The following ADCYAP1R1 variants were observed in gnomAD, a reference collection of about 807,000 sequenced individuals.
ADCYAP1R1 encodes the protein pituitary adenylate cyclase-activating polypeptide type I receptor.
Under a neutral mutation model 67.6 loss-of-function variants are expected in ADCYAP1R1, and 44 were observed. The ratio of observed to expected loss-of-function variants is 0.65; its 90% CI spans 0.51 to 0.84. ADCYAP1R1 has a LOEUF of 0.84. Ranked by LOEUF, ADCYAP1R1 falls within the 40% of genes least tolerant of loss-of-function variation. The probability of loss-of-function intolerance (pLI) is 0.00; values close to 1 mark genes in which losing one functional copy is unlikely to be tolerated. For synonymous variants in ADCYAP1R1, 222 were observed against 219.6 expected (o/e 1.01, Z -0.10); for missense variants, 477 against 587.9 (o/e 0.81, Z 1.95).
intron 1 of ADCYAP1R1, among the ~76,000 whole-genome samples, chr7:31,061,774 G>A (rs541303715): frequency 2.3e-4 from 35 of 152,286 alleles, no homozygotes; most frequent in Admixed American, 7.2e-4. Context: ...GGGAGGGGAC[G>A]TGGTTAAGCA....
At chr7:31,053,686 C>T (rs1011334626) in intron 1 of ADCYAP1R1, among the ~76,000 whole-genome samples, 2 of 152,218 alleles carry the variant, frequency 1.3e-5, no homozygotes, top group African/African-American at 2.4e-5. Context: ...GCAGGTGCGT[C>T]AGACTCCCTT....
chr7:31,098,792 C>T (rs1248871644), intron 13 of ADCYAP1R1, among the ~76,000 whole-genome samples: 1 of 150,694 alleles, frequency 6.6e-6, no homozygotes, highest in Non-Finnish European at 1.5e-5. Flanking sequence ...CACCACCTGT[C>T]AGGTACCTTC....
Position 31,086,240 on chromosome 7 carries a change from A to T in ADCYAP1R1, c.670-144A>T. ...AGAATCATGGGATGCTGCAATTTTC[A>T]ACTCTTTGATCCAGGAATATTGACT... On this transcript the variant is annotated intron_variant, in intron 9 of 15. Coordinates refer to ENST00000304166, the MANE Select transcript of ADCYAP1R1 (RefSeq NM_001118.5). This position sits in a 1 kb window ranked among gnomAD's most constrained non-coding sequence, Gnocchi z 5.0. The T allele has an allele frequency of 1.1e-6, 1 of 908,124 alleles. No individual in the cohort carries two copies. Among genetic ancestry groups the T allele is most frequent in the Non-Finnish European group, 1.6e-6 (1 of 616,942 alleles). 56.3% of individuals were successfully genotyped at this position (908,124 alleles called of 1,614,324 possible). A position where few individuals can be genotyped will look rare whatever the true frequency, so the allele number is the denominator to read the frequency against.
At chr7:31,058,451 A>G (rs910498550) in intron 1 of ADCYAP1R1, among the ~76,000 whole-genome samples, 9 of 151,956 alleles carry the variant, frequency 5.9e-5, no homozygotes, top group African/African-American at 1.9e-4. Flanking sequence ...AGGAAAGGGG[A>G]ATGGTGTGCT....
Position 31,064,860 on chromosome 7 carries a change from C to T in ADCYAP1R1, c.81C>T (p.Phe27=). The T allele has an allele frequency of 1.2e-6, 2 of 1,612,896 alleles. No individual in the cohort carries two copies. The highest frequency in any genetic ancestry group is 1.3e-5 in the African/African-American group (1 of 75,022). The change falls in exon 3 of 16, where the codon TTC becomes TTT. Residue 27 remains phenylalanine (F), a synonymous_variant. Transcript: ENST00000304166. The part of the protein sequence containing the change: ...MAPAMHSDCI[F]KKEQAMCLEK... ...CTGCCATGCATTCTGACTGCATCTT[C>T]AAGAAGGAGCAAGCCATGTGCCTGG...
Position 31,109,028 on chromosome 7 carries a change from T to C in ADCYAP1R1, c.*2344T>C, listed in dbSNP as rs956935645. Reference sequence around the variant, plus strand: ...CCTGGGGATGGACCCCATTCATTCATCATGACTCCCAACAGTTTTCATTGT... The same window carrying C: ...CCTGGGGATGGACCCCATTCATTCACCATGACTCCCAACAGTTTTCATTGT... On this transcript the variant is annotated 3_prime_UTR_variant, in exon 16 of 16. Coordinates refer to ENST00000304166, the MANE Select transcript of ADCYAP1R1 (RefSeq NM_001118.5). 10 of 152,196 alleles carry C rather than the reference T, an allele frequency of 6.6e-5. No homozygotes were observed. The highest frequency in any genetic ancestry group is 4.4e-5 in the Non-Finnish European group (3 of 68,048). 9.4% of individuals were successfully genotyped at this position (152,196 alleles called of 1,614,324 possible).
chr7:31,104,955 T>G (rs1796580549), intron 15 of ADCYAP1R1, 46 bp downstream of exon 15: 1 of 1,602,950 alleles, frequency 6.2e-7, no homozygotes, highest in Admixed American at 1.7e-5. Flanking sequence ...AGTGGGGCTT[T>G]CTGGGGAGCA....
chr7:31,070,844 C>T (rs1049484354), intron 3 of ADCYAP1R1, among the ~76,000 whole-genome samples: 46 of 152,214 alleles, frequency 3.0e-4, no homozygotes, highest in African/African-American at 1.1e-3. Context: ...TCTGCATTTC[C>T]AGCAAGTTCC....
chr7:31,099,463 A>T, intron 13 of ADCYAP1R1, among the ~76,000 whole-genome samples: 1 of 152,234 alleles, frequency 6.6e-6, no homozygotes, highest in East Asian at 1.9e-4. Context: ...ACATATGGGT[A>T]GTGGCTATCA....
rs1355017693 is a variant in ADCYAP1R1 at position 31,086,653 on chromosome 7, G to C, written c.823+116G>C. 5 of 1,239,598 alleles carry C rather than the reference G, an allele frequency of 4.0e-6. No individual in the cohort carries two copies. The highest frequency in any genetic ancestry group is 5.7e-6 in the Non-Finnish European group (5 of 879,768). The allele number at this position is 1,239,598 out of a possible 1,614,324, so 76.8% of individuals were successfully genotyped here. ...GTGAGGAGGGGCCACTGCCCTGCCC[G>C]AGTCTAATGGCCTAGGCTCTGTCTT... On this transcript the variant is annotated intron_variant, in intron 10 of 15. Coordinates refer to ENST00000304166, the MANE Select transcript of ADCYAP1R1 (RefSeq NM_001118.5). The surrounding 1 kb of genome is among the most constrained non-coding windows in gnomAD (Gnocchi z 5.0).
intron 3 of ADCYAP1R1, among the ~76,000 whole-genome samples, chr7:31,072,797 G>A (rs1001923736): frequency 6.6e-6 from 1 of 152,214 alleles, no homozygotes; most frequent in African/African-American, 2.4e-5. Context: ...GGGAATTAAG[G>A]ATCTTGAACT....
At chr7:31,101,664 C>A (rs1369917988) in intron 13 of ADCYAP1R1, among the ~76,000 whole-genome samples, 4 of 152,184 alleles carry the variant, frequency 2.6e-5, no homozygotes, top group Non-Finnish European at 4.4e-5. Flanking sequence ...CCCGAGCGCC[C>A]AAGAGAGAAT....
intron 3 of ADCYAP1R1, among the ~76,000 whole-genome samples, chr7:31,065,945 G>C (rs1461388860): frequency 6.6e-6 from 1 of 152,230 alleles, no homozygotes; most frequent in Non-Finnish European, 1.5e-5. Flanking sequence ...CCAGCCAGTT[G>C]CTTCTCAGTG....
chr7:31,076,543 A>G (rs571827023), intron 3 of ADCYAP1R1, among the ~76,000 whole-genome samples: 1 of 152,268 alleles, frequency 6.6e-6, no homozygotes, highest in Non-Finnish European at 1.5e-5. Context: ...GGATTCCTCA[A>G]CACCTCTCAG....
At chr7:31,077,918 G>A in intron 3 of ADCYAP1R1, 73 bp from the exon 4 acceptor site, 1 of 958,264 alleles carries the variant, frequency 1.0e-6, no homozygotes, top group Non-Finnish European at 1.6e-6. Context: ...GTTGGTGTGT[G>A]TGATGTGTGT....
At chr7:31,095,267 G>A (rs1269186490) in intron 13 of ADCYAP1R1, among the ~76,000 whole-genome samples, 1 of 151,730 alleles carries the variant, frequency 6.6e-6, no homozygotes, top group Non-Finnish European at 1.5e-5. Context: ...AATCCAGGAG[G>A]AAGGAGGATG....
intron 3 of ADCYAP1R1, among the ~76,000 whole-genome samples, chr7:31,073,764 T>A (rs1259725615): frequency 6.6e-6 from 1 of 152,134 alleles, no homozygotes; most frequent in Non-Finnish European, 1.5e-5. Flanking sequence ...TGTGAGTCTC[T>A]TGAGACCCCA....
rs764546314 is a variant in ADCYAP1R1 at position 31,092,637 on chromosome 7, T to C, written c.955-7T>C. 3.1e-6 allele frequency: 5 copies of C among 1,594,480 alleles called. 1 individual carries two copies. Among genetic ancestry groups the C allele is most frequent in the Non-Finnish European group, 8.5e-7 (1 of 1,170,482 alleles). On this transcript the variant is annotated splice_region_variant and splice_polypyrimidine_tract_variant and intron_variant, in intron 12 of 15. Coordinates refer to ENST00000304166, the MANE Select transcript of ADCYAP1R1 (RefSeq NM_001118.5). ...GTCCATCTGCTTTTTTTTTTTTTGC[T>C]CCTTAGGTTAACTTTGTGCTTTTTA...
chr7:31,055,391 G>T (rs1309194297), intron 1 of ADCYAP1R1, among the ~76,000 whole-genome samples: 1 of 152,052 alleles, frequency 6.6e-6, no homozygotes, highest in East Asian at 1.9e-4. Flanking sequence ...TAGAACAAGG[G>T]TAGGCAACCT....
Sources: allele counts gnomAD v4.1 joint callset (sites outside exome capture counted in the v4.1 genomes callset), GRCh38; gene constraint gnomAD v4.1.1; non-coding constraint Gnocchi (gnomAD v3.1); transcripts MANE v1.5; gene names NCBI Gene and HGNC (gene_info 2026-07-23, HGNC 2026-07-21).